Variants in ARFGAP1 observed in about 807,000 individuals in gnomAD.
ARFGAP1 encodes ARF GTPase activating protein 1.
ARFGAP1 carries 26 observed loss-of-function variants against 54.0 expected under a neutral mutation model. The observed-to-expected ratio is 0.48, with a 90% CI of 0.35 to 0.67. ARFGAP1 has a LOEUF of 0.67. Ranked by LOEUF, ARFGAP1 falls within the 30% of genes least tolerant of loss-of-function variation. The probability of loss-of-function intolerance (pLI) is 0.00; values close to 1 mark genes in which losing one functional copy is unlikely to be tolerated. For synonymous variants in ARFGAP1, 248 were observed against 211.9 expected, an observed-to-expected ratio of 1.17 and a Z score of -1.48; for missense variants, 525 against 535.8, an observed-to-expected ratio of 0.98 and a Z score of 0.20.
rs2067614586 is a variant in ARFGAP1 at position 63,288,118 on chromosome 20, A to G, written c.*245A>G. The stretch of plus-strand genomic sequence containing the variant: ...CGTCCCGTCCCACACTCCCCTGGGC[A>G]TTCTTGGACTCAAGGCCGGGGCTCT... On this transcript the variant is annotated 3_prime_UTR_variant, in exon 13 of 13. Transcript: ENST00000370283. 2.3e-5 allele frequency: 14 copies of G among 606,022 alleles called. 1 individual carries two copies. The South Asian group carries it at 2.6e-4, about 11-fold the overall frequency. The allele number at this position is 606,022 out of a possible 1,614,324, so 37.5% of individuals were successfully genotyped here.
chr20:63,285,400 C>T (rs1163591594), intron 10 of ARFGAP1: 2 of 575,338 alleles, frequency 3.5e-6, no homozygotes, highest in African/African-American at 1.9e-5. Context: ...GTGGGCTGTC[C>T]TTAGGTCACG....
At chr20:63,281,209 T>C in intron 7 of ARFGAP1, 82 bp from the exon 8 acceptor site, 2 of 1,459,452 alleles carry the variant, frequency 1.4e-6, no homozygotes, top group East Asian at 2.5e-5. Context: ...GCCTTGGTCC[T>C]CTTCCTTGCT....
intron 1 of ARFGAP1, among the ~76,000 whole-genome samples, chr20:63,275,089 A>C (rs937129169): frequency 3.3e-5 from 5 of 152,140 alleles, no homozygotes; most frequent in African/African-American, 1.2e-4. Context: ...GCCTCCCTGC[A>C]CTGCGTTGGG....
At chr20:63,280,067 G>C (rs551847799) in intron 7 of ARFGAP1, among the ~76,000 whole-genome samples, 2 of 152,148 alleles carry the variant, frequency 1.3e-5, no homozygotes, top group South Asian at 2.1e-4. Flanking sequence ...GCTTGAACCC[G>C]GGAGGCGGAG....
chr20:63,276,212 GC>G lies in ARFGAP1; in HGVS notation c.170+14del, dbSNP rs752104342. 14 of 1,612,856 alleles carry G rather than the reference GC, an allele frequency of 8.7e-6. No individual in the cohort carries two copies. The East Asian group carries it at 2.5e-4, about 28-fold the overall frequency. ...GGGGTTCACCTCAGGTCAGTGTCCT[GC>G]CGCTCTGGCTCTGCGGAGAGCCTGC... is the stretch of plus-strand genomic sequence containing the variant. On this transcript the variant is annotated intron_variant, in intron 3 of 12. Transcript: ENST00000370283. This position sits in a 1 kb window ranked among gnomAD's most constrained non-coding sequence, Gnocchi z 5.2.
At chr20:63,286,521 G>A (rs1195762968) in intron 12 of ARFGAP1, 79 bp downstream of exon 12, 9 of 1,411,548 alleles carry the variant, frequency 6.4e-6, no homozygotes, top group Middle Eastern at 1.8e-4. Flanking sequence ...CCAGGAGGTG[G>A]CTGGCATCCT....
At position 63,280,143 on chromosome 20, in the gene ARFGAP1, GA is replaced by G. The variant is rs924155349; in HGVS notation, c.628-1137del. 8.0e-3 allele frequency among the ~76,000 whole-genome samples: 1,174 copies of G among 146,518 alleles called. 14 individuals carry two copies. Among genetic ancestry groups the G allele is most frequent in the African/African-American group, 0.027 (1,099 of 40,246 alleles). ...GGCGACAGAGTCCGACTCCATCTCAGAAAAAAAAAAAGATTTTTATTCATTG... is the reference window on the plus strand; with the variant it reads ...GGCGACAGAGTCCGACTCCATCTCAGAAAAAAAAAAGATTTTTATTCATTG... On this transcript the variant is annotated intron_variant, in intron 7 of 12. Transcript: ENST00000370283.
In ARFGAP1 at chr20:63,284,893, GAGA is replaced by G; in HGVS notation, c.747_749del (p.Glu249_Asn250delinsAsp). ...GTCCGAGCTGGGCCACAGCCTGAACGAGAACGTCCTCAAGCCTGCGCAGGAGAA... is the reference window on the plus strand; with the variant it reads ...GTCCGAGCTGGGCCACAGCCTGAACGACGTCCTCAAGCCTGCGCAGGAGAA... On this transcript the variant is annotated inframe_deletion, in exon 10 of 13. Transcript: ENST00000370283. The G allele has an allele frequency of 6.2e-7, 1 of 1,613,134 alleles. No homozygotes were observed. The highest frequency in any genetic ancestry group is 8.5e-7 in the Non-Finnish European group (1 of 1,179,934).
chr20:63,288,926 TC>T lies in ARFGAP1; in HGVS notation c.*1054del, dbSNP rs1355999704. On this transcript the variant is annotated 3_prime_UTR_variant, in exon 13 of 13. Transcript: ENST00000370283. ...GGTGCTCTCCTCCCTGCCACCATGC[TC>T]ATCACTCTGGCCTTGGCCATGCTCC... 4.2e-6 allele frequency: 1 copy of T among 238,054 alleles called. No homozygotes were observed. The highest frequency in any genetic ancestry group is 2.2e-5 in the African/African-American group (1 of 45,280). 14.7% of individuals were successfully genotyped at this position (238,054 alleles called of 1,614,324 possible).
At chr20:63,282,268 C>T (rs1045426477) in intron 8 of ARFGAP1, among the ~76,000 whole-genome samples, 6 of 152,246 alleles carry the variant, frequency 3.9e-5, no homozygotes, top group South Asian at 2.1e-4. Context: ...CCGCCAGGGC[C>T]GCCGTTTTCT....
At chr20:63,284,634 C>A (rs2067477155) in intron 9 of ARFGAP1, 7 of 1,386,796 alleles carry the variant, frequency 5.0e-6, no homozygotes, top group Non-Finnish European at 6.6e-6. Flanking sequence ...TGGAGGGGGA[C>A]CTTCCTGCAA....
intron 1 of ARFGAP1, among the ~76,000 whole-genome samples, chr20:63,275,374 C>T (rs1236438153): frequency 2.0e-5 from 3 of 152,178 alleles, no homozygotes; most frequent in South Asian, 2.1e-4. Context: ...CTGGGAGCCT[C>T]CTGGGGGTAT....
Position 63,276,346 on chromosome 20 carries a change from G to A in ARFGAP1, c.171-134G>A. 3 of 1,379,102 alleles carry A rather than the reference G, an allele frequency of 2.2e-6. No homozygotes were observed. The highest frequency in any genetic ancestry group is 3.0e-6 in the Non-Finnish European group (3 of 995,432). The allele number at this position is 1,379,102 out of a possible 1,614,324, so 85.4% of individuals were successfully genotyped here. A position where few individuals can be genotyped will look rare whatever the true frequency, so the allele number is the denominator to read the frequency against. On this transcript the variant is annotated intron_variant, in intron 3 of 12. Transcript: ENST00000370283. This position sits in a 1 kb window ranked among gnomAD's most constrained non-coding sequence, Gnocchi z 5.2. ...TCCACTCTAGTGACGCCATGGCACA[G>A]AGTTCCAGCTGCTGGCCACTCAGCC...
At chr20:63,280,261 ATTTTGTTTTTTGTTT>A (rs2067346027) in intron 7 of ARFGAP1, among the ~76,000 whole-genome samples, 1 of 152,128 alleles carries the variant, frequency 6.6e-6, no homozygotes, top group African/African-American at 2.4e-5. Context: ...GGAAGGGCTT[ATTTTGTTTTTTGTTT>A]TTTTGTTTTT....
Position 63,276,107 on chromosome 20 carries a change from G to C in ARFGAP1, c.77G>C (p.Gly26Ala). ...QDENNVCFEC[G>A]AFNPQWVSVT... Reference sequence around the variant, plus strand: ...CCTTTGCAGGTTTGTTTTGAGTGTGGCGCGTTCAATCCTCAGTGGGTCAGT... The same window carrying C: ...CCTTTGCAGGTTTGTTTTGAGTGTGCCGCGTTCAATCCTCAGTGGGTCAGT... Residue 26 changes from glycine to alanine, a missense_variant, in exon 3 of 13, where the codon GGC becomes GCC. Transcript: ENST00000370283. The surrounding 1 kb of genome is among the most constrained non-coding windows in gnomAD (Gnocchi z 5.2). 2 of 1,614,044 alleles carry C rather than the reference G, an allele frequency of 1.2e-6. No individual in the cohort carries two copies. Among genetic ancestry groups the C allele is most frequent in the African/African-American group, 2.7e-5 (2 of 75,036 alleles).
chr20:63,286,320 G>A, intron 11 of ARFGAP1, 46 bp from the exon 12 acceptor site: 2 of 1,606,750 alleles, frequency 1.2e-6, no homozygotes, highest in Non-Finnish European at 1.7e-6. Flanking sequence ...GAAGCTGCCT[G>A]TGCCGCGACA....
At chr20:63,284,841 GC>G in intron 9 of ARFGAP1, 24 bp from the exon 10 acceptor site, 1 of 1,611,672 alleles carries the variant, frequency 6.2e-7, no homozygotes, top group South Asian at 1.1e-5. Context: ...CTGTCGTGGG[GC>G]TCACGTGACT....
intron 8 of ARFGAP1, 110 bp from the exon 9 acceptor site, chr20:63,282,709 C>A: frequency 8.8e-7 from 1 of 1,134,176 alleles, no homozygotes; most frequent in Non-Finnish European, 1.3e-6. Context: ...CCGCTGGCAG[C>A]CCGGGGGCCA....
intron 7 of ARFGAP1, 145 bp from the exon 8 acceptor site, chr20:63,281,146 G>A: frequency 1.3e-6 from 1 of 787,248 alleles, no homozygotes; most frequent in Non-Finnish European, 2.0e-6. Context: ...CCAGCAGCCT[G>A]GAGAAGCAGG....
Sources: allele counts gnomAD v4.1 joint callset (sites outside exome capture counted in the v4.1 genomes callset), GRCh38; gene constraint gnomAD v4.1.1; non-coding constraint Gnocchi (gnomAD v3.1); transcripts MANE v1.5; gene names NCBI Gene and HGNC (gene_info 2026-07-23, HGNC 2026-07-21).